The following SPTB variants were observed in gnomAD, a reference collection of about 807,000 sequenced individuals.
SPTB encodes the protein spectrin beta, erythrocytic.
In SPTB, 45 loss-of-function variants were observed where a neutral mutation model predicts 256.2. The observed-to-expected ratio is 0.18, with a 90% CI of 0.14 to 0.23. The LOEUF (loss-of-function observed/expected upper bound fraction) is 0.23. Ranked by LOEUF, SPTB falls within the 10% of genes least tolerant of loss-of-function variation. The probability of loss-of-function intolerance (pLI) is 1.00; values close to 1 mark genes in which losing one functional copy is unlikely to be tolerated. For synonymous variants in SPTB, 1,231 were observed against 1,243.1 expected, an observed-to-expected ratio of 0.99 and a Z score of 0.21; for missense variants, 2,715 against 3,040.4, an observed-to-expected ratio of 0.89 and a Z score of 2.52.
intron 32 of SPTB, among the ~76,000 whole-genome samples, chr14:64,766,189 T>C (rs2082178119): frequency 6.7e-6 from 1 of 149,068 alleles, no homozygotes; most frequent in Admixed American, 6.7e-5. Context: ...TGTGTATGTG[T>C]ATGTGGGTGT....
Position 64,753,701 on chromosome 14 carries a change from CCT to C in SPTB, c.6436_6437del (p.Arg2146AlafsTer8). ...KDGQKSTGDE[R>X]PTTEPLFKVL... ...CCTTAAAGAGGGGCTCCGTGGTGGGCCTCTCATCCCCAGTGGATTTCTGCCCA... is the reference window on the plus strand; with the variant it reads ...CCTTAAAGAGGGGCTCCGTGGTGGGCCTCATCCCCAGTGGATTTCTGCCCA... On this transcript the variant is annotated frameshift_variant, in exon 33 of 36. Transcript: ENST00000644917. LOFTEE classifies it high-confidence loss of function. 2 of 1,613,790 alleles carry C rather than the reference CCT, an allele frequency of 1.2e-6. No homozygotes were observed. The highest frequency in any genetic ancestry group is 1.7e-6 in the Non-Finnish European group (2 of 1,180,026).
intron 33 of SPTB, among the ~76,000 whole-genome samples, chr14:64,750,824 A>T (rs2081935004): frequency 6.8e-6 from 1 of 147,086 alleles, no homozygotes; most frequent in South Asian, 2.1e-4. Context: ...CTTTTATTAT[A>T]TAATTTATAT....
intron 1 of SPTB, among the ~76,000 whole-genome samples, chr14:64,833,294 T>C (rs554713285): frequency 3.3e-5 from 5 of 152,150 alleles, no homozygotes; most frequent in Non-Finnish European, 5.9e-5. Flanking sequence ...CTCACGCCCA[T>C]AATCCGAGCA....
intron 24 of SPTB, 45 bp from the exon 25 acceptor site, chr14:64,773,469 A>G: frequency 3.7e-6 from 6 of 1,601,664 alleles, no homozygotes; most frequent in Non-Finnish European, 5.1e-6. Flanking sequence ...GCAGCCACGA[A>G]CCCAGAGCCG....
chr14:64,830,284 C>T (rs539265472), intron 1 of SPTB, among the ~76,000 whole-genome samples: 2 of 150,978 alleles, frequency 1.3e-5, no homozygotes, highest in East Asian at 3.9e-4. Flanking sequence ...TTAGTAGGTA[C>T]TCAATAAATA....
rs552852683 is a variant in SPTB at position 64,824,545 on chromosome 14, A to T, written c.-51-1400T>A. Among the ~76,000 whole-genome samples, 2 of 152,170 alleles carry T rather than the reference A, an allele frequency of 1.3e-5. No individual in the cohort carries two copies. Among genetic ancestry groups the T allele is most frequent in the Non-Finnish European group, 2.9e-5 (2 of 67,980 alleles). ...GACTCCAAGATCAAGTCTGTAAGAG[A>T]ATAGGGGACCCAGAGCCTTCACAAC... On this transcript the variant is annotated intron_variant, in intron 1 of 35. Transcript: ENST00000644917. This position sits in a 1 kb window ranked among gnomAD's most constrained non-coding sequence, Gnocchi z 5.7.
rs2082635037 is a variant in SPTB, at chr14:64,789,553, C to T, written c.2804+2166G>A. ...TTTCCATGGGGCGGTCAGCGGGGGC[C>T]ATGCCAGTAAGCTGACATTTGAGCT... On this transcript the variant is annotated intron_variant, in intron 15 of 35. Coordinates refer to ENST00000644917, the MANE Select transcript of SPTB (RefSeq NM_001355436.2). Among the ~76,000 whole-genome samples, 6 of 152,066 alleles carry T rather than the reference C, an allele frequency of 3.9e-5. No homozygotes were observed. In the South Asian group the frequency reaches 1.2e-3, roughly 32 times the overall value.
At chr14:64,817,359 T>A (rs566375108) in intron 2 of SPTB, among the ~76,000 whole-genome samples, 1 of 152,374 alleles carries the variant, frequency 6.6e-6, no homozygotes, top group African/African-American at 2.4e-5. Context: ...AAATGGTTGC[T>A]GACAATGATA....
At position 64,750,173 on chromosome 14, in the gene SPTB, G is replaced by T. The variant is rs985290743; in HGVS notation, c.6603-19C>A. The stretch of plus-strand genomic sequence containing the variant: ...CCAGGACCTGCAAAGATGCAGACAG[G>T]CAGGTCACCCACATCCTGATATGGT... On this transcript the variant is annotated intron_variant, in intron 33 of 35. Transcript: ENST00000644917. 1.2e-6 allele frequency: 2 copies of T among 1,608,122 alleles called. No homozygotes were observed. The highest frequency in any genetic ancestry group is 1.7e-6 in the Non-Finnish European group (2 of 1,175,178).
In SPTB at chr14:64,786,046, C is replaced by G; in HGVS notation, c.3562-95G>C. ...GGAGCACCACGTGCAGCCACACAGG[C>G]CACGGTATGAATGAGCCCCCTAGAG... On this transcript the variant is annotated intron_variant, in intron 16 of 35. Coordinates refer to ENST00000644917, the MANE Select transcript of SPTB (RefSeq NM_001355436.2). This position sits in a 1 kb window ranked among gnomAD's most constrained non-coding sequence, Gnocchi z 5.6. The G allele has an allele frequency of 7.7e-7, 1 of 1,297,398 alleles. No individual in the cohort carries two copies. The highest frequency in any genetic ancestry group is 1.7e-5 in the Admixed American group (1 of 59,024). The allele number at this position is 1,297,398 out of a possible 1,614,324, so 80.4% of individuals were successfully genotyped here. A position where few individuals can be genotyped will look rare whatever the true frequency, so the allele number is the denominator to read the frequency against.
chr14:64,757,728 C>A (rs1185588394), intron 32 of SPTB, among the ~76,000 whole-genome samples: 2 of 152,040 alleles, frequency 1.3e-5, no homozygotes, highest in African/African-American at 4.8e-5. Context: ...TGGGGACAAT[C>A]CTTTCTTCCC....
At chr14:64,801,986 G>T in intron 5 of SPTB, 152 bp from the exon 6 acceptor site, 1 of 876,794 alleles carries the variant, frequency 1.1e-6, no homozygotes, top group Non-Finnish European at 1.9e-6. Context: ...ACCACACACA[G>T]AGGCTCCCCC....
chr14:64,859,470 C>T (rs938770126), intron 1 of SPTB, among the ~76,000 whole-genome samples: 10 of 151,504 alleles, frequency 6.6e-5, no homozygotes, highest in Admixed American at 4.6e-4. Context: ...ATTGGCCAGC[C>T]GTGGTGGCTC....
In SPTB at chr14:64,786,429, T is replaced by G; in HGVS notation, c.3536A>C (p.Gln1179Pro). 6 of 1,614,136 alleles carry G rather than the reference T, an allele frequency of 3.7e-6. No homozygotes were observed. Among genetic ancestry groups the G allele is most frequent in the Non-Finnish European group, 3.4e-6 (4 of 1,180,034 alleles). Reference sequence around the variant, plus strand: ...CTGGTTGCTGAGGATGGCTTCAGCCTGCTTGGCATCTTTCTGGAACTCCTG... The same window carrying G: ...CTGGTTGCTGAGGATGGCTTCAGCCGGCTTGGCATCTTTCTGGAACTCCTG... ...GFQEFQKDAK[Q>P]AEAILSNQEY... The change falls in exon 16 of 36, where the codon CAG (glutamine) becomes CCG (proline). Residue 1179 changes from glutamine (Q) to proline (P), a missense_variant. This residue lies in a region of SPTB where 2,239 missense variants were observed against 2,384.4 expected (regional missense o/e 0.94). Transcript: ENST00000644917. The surrounding 1 kb of genome is among the most constrained non-coding windows in gnomAD (Gnocchi z 5.6).
intron 33 of SPTB, among the ~76,000 whole-genome samples, chr14:64,750,550 C>T (rs553883504): frequency 4.3e-4 from 65 of 151,898 alleles, no homozygotes; most frequent in East Asian, 1.2e-3. Flanking sequence ...CCGAGGCGGG[C>T]GGACCGCCTG....
In SPTB at chr14:64,753,787, C is replaced by T. The variant is rs756733142; in HGVS notation, c.6352G>A (p.Glu2118Lys). 1.9e-6 allele frequency: 3 copies of T among 1,613,104 alleles called. No homozygotes were observed. Among genetic ancestry groups the T allele is most frequent in the Admixed American group, 1.7e-5 (1 of 60,028 alleles). The change falls in exon 33 of 36, where the codon GAA (glutamate) becomes AAA (lysine). Residue 2118 changes from glutamate (E) to lysine (K), a missense_variant. By Grantham distance (56) the Glu-to-Lys change is moderately conservative. This residue lies in a region of SPTB where 2,239 missense variants were observed against 2,384.4 expected (regional missense o/e 0.94). Coordinates refer to ENST00000644917, the MANE Select transcript of SPTB (RefSeq NM_001355436.2). ...AGGTTCTGAGGCCACGTTCCCTCTT[C>T]TTCCCCCTGCTCAGGGCATAGGGAG... is the stretch of plus-strand genomic sequence containing the variant. The part of the protein sequence containing the change: ...AATERTSPGE[E>K]EGTWPQNLQQ...
At chr14:64,831,450 GAAGAGATACTC>G (rs2083449794) in intron 1 of SPTB, among the ~76,000 whole-genome samples, 1 of 152,210 alleles carries the variant, frequency 6.6e-6, no homozygotes, top group African/African-American at 2.4e-5. Context: ...AAAACCCTAA[GAAGAGATACTC>G]AAGCCCATGA....
chr14:64,878,599 CT>C (rs1357924382), intron 1 of SPTB, among the ~76,000 whole-genome samples: 2 of 152,088 alleles, frequency 1.3e-5, no homozygotes, highest in African/African-American at 4.8e-5. Flanking sequence ...GCCTAAAAAT[CT>C]TTGATTTGCA....
At chr14:64,875,240 T>G (rs896141987) in intron 1 of SPTB, among the ~76,000 whole-genome samples, 1 of 152,188 alleles carries the variant, frequency 6.6e-6, no homozygotes, top group Non-Finnish European at 1.5e-5. Flanking sequence ...AGACAATTCA[T>G]TAAGGAAGCA....
Sources: allele counts gnomAD v4.1 joint callset (sites outside exome capture counted in the v4.1 genomes callset), GRCh38; gene constraint gnomAD v4.1.1; regional missense constraint gnomAD v4.1.1; non-coding constraint Gnocchi (gnomAD v3.1); transcripts MANE v1.5; gene names NCBI Gene and HGNC (gene_info 2026-07-23, HGNC 2026-07-21).